Variants in LRIG1 observed in about 807,000 individuals in gnomAD.
LRIG1 encodes the protein leucine-rich repeats and immunoglobulin-like domains protein 1.
A neutral mutation model predicts 99.2 loss-of-function variants in LRIG1; 48 were observed. The ratio of observed to expected loss-of-function variants is 0.48; its 90% CI spans 0.38 to 0.62. The LOEUF is 0.62. LRIG1 is among the 20% of genes least tolerant of loss of function. The pLI is 0.00. For synonymous variants in LRIG1, 772 were observed against 596.1 expected (o/e 1.29, Z -4.30); for missense variants, 1,646 against 1,434.4 (o/e 1.15, Z -2.38).
intron 3 of LRIG1, among the ~76,000 whole-genome samples, chr3:66,434,077 T>G (rs1703262380): frequency 6.6e-6 from 1 of 152,236 alleles, no homozygotes. Context: ...AAAGGAAAAC[T>G]TAACACTTAT....
At chr3:66,495,685 C>G (rs1701210738) in intron 1 of LRIG1, among the ~76,000 whole-genome samples, 1 of 152,220 alleles carries the variant, frequency 6.6e-6, no homozygotes, top group Admixed American at 6.5e-5. Context: ...TAACTATAGG[C>G]TATTTTAAAC....
chr3:66,405,156 C>G (rs757363995), intron 9 of LRIG1, 42 bp downstream of exon 9: 4 of 1,565,300 alleles, frequency 2.6e-6, no homozygotes, highest in Non-Finnish European at 3.5e-6. Context: ...CCAAGTGTGT[C>G]CCGCGCATTT....
intron 1 of LRIG1, among the ~76,000 whole-genome samples, chr3:66,486,563 G>A (rs984906440): frequency 3.9e-5 from 6 of 152,256 alleles, no homozygotes; most frequent in African/African-American, 9.6e-5. Context: ...CAAGACAAAC[G>A]CTTAAATTCT....
chr3:66,383,152 G>A lies in LRIG1; in HGVS notation c.2321C>T (p.Ala774Val), dbSNP rs200416634. 291 of 1,614,236 alleles carry A rather than the reference G, an allele frequency of 1.8e-4. 1 individual carries two copies. Among genetic ancestry groups the A allele is most frequent in the East Asian group, 1.0e-3 (45 of 44,876 alleles). ...GGGCAGGACGCTCAGCTGGCTGTGA[G>A]CTCGCTCCGTGCCCAGGGTGTTGGA... ...EMSNTLGTER[A>V]HSQLSVLPAA... The change falls in exon 15 of 19, where the codon GCT becomes GTT. Residue 774 changes from alanine to valine, a missense_variant. Coordinates refer to ENST00000273261, the MANE Select transcript of LRIG1 (RefSeq NM_015541.3).
chr3:66,498,682 C>T (rs1350989221), intron 1 of LRIG1, among the ~76,000 whole-genome samples: 1 of 152,126 alleles, frequency 6.6e-6, no homozygotes, highest in Non-Finnish European at 1.5e-5. Context: ...AAAAGCTCTG[C>T]CTCCACCCTA....
intron 3 of LRIG1, among the ~76,000 whole-genome samples, chr3:66,423,837 T>C (rs933122986): frequency 1.3e-5 from 2 of 152,236 alleles, no homozygotes; most frequent in Admixed American, 1.3e-4. Flanking sequence ...GAAGTTCATA[T>C]GCCCCATGGG....
intron 2 of LRIG1, among the ~76,000 whole-genome samples, chr3:66,454,835 T>A (rs1171950337): frequency 2.6e-5 from 4 of 152,244 alleles, no homozygotes; most frequent in African/African-American, 9.6e-5. Flanking sequence ...AAGTTTTACA[T>A]TTTGTAAGCT....
At position 66,398,995 on chromosome 3, in the gene LRIG1, A is replaced by G. The variant is rs773793864; in HGVS notation, c.1207T>C (p.Ser403Pro). 7 of 1,614,220 alleles carry G rather than the reference A, an allele frequency of 4.3e-6. No homozygotes were observed. In the East Asian group the frequency reaches 1.1e-4, roughly 26 times the overall value. The change falls in exon 10 of 19, where the codon TCG becomes CCG. Residue 403 changes from serine to proline, a missense_variant. Physicochemically the swap from Ser to Pro is moderately conservative, Grantham distance 74. Coordinates refer to ENST00000273261, the MANE Select transcript of LRIG1 (RefSeq NM_015541.3). The part of the protein sequence containing the change: ...KIKSVAKRAF[S>P]GLEGLEHLNL... Reference sequence around the variant, plus strand: ...AGGTGCTCCAGGCCTTCCAGCCCCGAGAATGCTCTCTTAGCCACAGACTTG... The same window carrying G: ...AGGTGCTCCAGGCCTTCCAGCCCCGGGAATGCTCTCTTAGCCACAGACTTG...
chr3:66,485,415 C>T lies in LRIG1; in HGVS notation c.218+14775G>A, dbSNP rs147507574. 5.4e-3 allele frequency among the ~76,000 whole-genome samples: 826 copies of T among 152,218 alleles called. 2 individuals are homozygous for T. Among genetic ancestry groups the T allele is most frequent in the African/African-American group, 0.019 (774 of 41,512 alleles). On this transcript the variant is annotated intron_variant, in intron 1 of 18. Transcript: ENST00000273261. ...GTTCTTGAGTTAAAAATACACCACT[C>T]GGGTCAGCGTTAACACCAGGGCCTT...
rs775738909 is a variant in LRIG1, at chr3:66,380,565, G to A, written c.3055+12C>T. 2 of 1,613,370 alleles carry A rather than the reference G, an allele frequency of 1.2e-6. No individual in the cohort carries two copies. Among genetic ancestry groups the A allele is most frequent in the Admixed American group, 1.7e-5 (1 of 60,014 alleles). On this transcript the variant is annotated intron_variant, in intron 18 of 18. Transcript: ENST00000273261. Reference sequence around the variant, plus strand: ...CTCCCAACCCACCTGTTAGAAGACAGTCAAAAGTTACCTTTCCCATCTAGA... The same window carrying A: ...CTCCCAACCCACCTGTTAGAAGACAATCAAAAGTTACCTTTCCCATCTAGA...
intron 2 of LRIG1, among the ~76,000 whole-genome samples, chr3:66,459,754 G>C (rs931429182): frequency 6.6e-6 from 1 of 152,074 alleles, no homozygotes. Context: ...AAATTTAAGG[G>C]ACAGCCAAAA....
rs980717484 is a variant in LRIG1 at position 66,380,362 on chromosome 3, G to A, written c.3183C>T (p.His1061=). The A allele has an allele frequency of 1.8e-5, 29 of 1,614,080 alleles. No individual in the cohort carries two copies. Among genetic ancestry groups the A allele is most frequent in the South Asian group, 3.3e-5 (3 of 91,084 alleles). The change falls in exon 19 of 19, where the codon CAC becomes CAT. Residue 1061 remains histidine (H), a synonymous_variant. Coordinates refer to ENST00000273261, the MANE Select transcript of LRIG1 (RefSeq NM_015541.3). ...GACTGGCGTCACATGCTTTGGGGAG[G>A]TGGCCATTGGAAACAAGCAAGTACT... ...EAQYLLVSNG[H]LPKACDASPE...
rs1296525229 is a variant in LRIG1, at chr3:66,381,677, T to C, written c.2618-46A>G. On this transcript the variant is annotated intron_variant, in intron 16 of 18. Coordinates refer to ENST00000273261, the MANE Select transcript of LRIG1 (RefSeq NM_015541.3). ...GATTAGAAACTCTGGGCTTGGTATT[T>C]CACAGTAAGCCTTATGAAAGGAATG... The C allele has an allele frequency of 2.5e-6, 4 of 1,594,994 alleles. No homozygotes were observed. In the African/African-American group the frequency reaches 5.4e-5, roughly 21 times the overall value.
intron 12 of LRIG1, among the ~76,000 whole-genome samples, chr3:66,388,537 A>T (rs779214941): frequency 6.6e-6 from 1 of 152,248 alleles, no homozygotes; most frequent in Non-Finnish European, 1.5e-5. Flanking sequence ...GTAAATTCAA[A>T]GATCCAAACG....
At chr3:66,381,088 C>G (rs925237326) in intron 17 of LRIG1, 1 of 596,668 alleles carries the variant, frequency 1.7e-6, no homozygotes, top group Non-Finnish European at 3.0e-6. Context: ...ATTTCATAGA[C>G]AATGTAGTCT....
At chr3:66,418,178 G>A (rs945789228) in intron 3 of LRIG1, among the ~76,000 whole-genome samples, 2 of 152,156 alleles carry the variant, frequency 1.3e-5, no homozygotes, top group South Asian at 2.1e-4. Flanking sequence ...TGCAACCTCC[G>A]CCTCCTGGGT....
intron 1 of LRIG1, among the ~76,000 whole-genome samples, chr3:66,477,436 T>C (rs1245624495): frequency 1.3e-5 from 2 of 152,192 alleles, no homozygotes; most frequent in East Asian, 1.9e-4. Flanking sequence ...CCTAGTTTGC[T>C]GGTAAAACAT....
intron 8 of LRIG1, 113 bp from the exon 9 acceptor site, chr3:66,405,391 A>G: frequency 1.3e-5 from 10 of 790,290 alleles, no homozygotes; most frequent in Admixed American, 2.0e-5. Flanking sequence ...TGCACCCTGG[A>G]GGCACAGCCG....
In LRIG1 at chr3:66,407,415, G is replaced by C; in HGVS notation, c.1012C>G (p.Leu338Val). Residue 338 changes from leucine to valine, a missense_variant, in exon 8 of 19, where the codon CTC (leucine) becomes GTC (valine). Transcript: ENST00000273261. ...ATGTGGCTGATGGAATTGTGGCTGAGACGCAGGACACTCAGGCTGCTCAGC... is the reference window on the plus strand; with the variant it reads ...ATGTGGCTGATGGAATTGTGGCTGACACGCAGGACACTCAGGCTGCTCAGC... ...AELSSLSVLR[L>V]SHNSISHIAE... 2 of 1,614,070 alleles carry C rather than the reference G, an allele frequency of 1.2e-6. No homozygotes were observed. The highest frequency in any genetic ancestry group is 1.7e-6 in the Non-Finnish European group (2 of 1,180,036).
Sources: allele counts gnomAD v4.1 joint callset (sites outside exome capture counted in the v4.1 genomes callset), GRCh38; gene constraint gnomAD v4.1.1; transcripts MANE v1.5; gene names NCBI Gene and HGNC (gene_info 2026-07-23, HGNC 2026-07-21).